Variants in SNTG1 observed in about 807,000 individuals in gnomAD.
SNTG1 encodes syntrophin gamma 1, also known as gamma-1-syntrophin.
SNTG1 carries 39 observed loss-of-function variants against 74.7 expected under a neutral mutation model. The observed-to-expected ratio is 0.52, with a 90% CI of 0.40 to 0.68. The LOEUF is 0.68. Among genes scored for constraint, SNTG1 ranks in the 30% least tolerant of loss-of-function variants. The probability of loss-of-function intolerance (pLI) is 0.00; values close to 1 mark genes in which losing one functional copy is unlikely to be tolerated. For synonymous variants in SNTG1, 254 were observed against 217.1 expected (o/e 1.17, Z -1.49); for missense variants, 685 against 609.5 (o/e 1.12, Z -1.30).
intron 15 of SNTG1, among the ~76,000 whole-genome samples, chr8:50,704,335 G>A (rs180795938): frequency 1.7e-3 from 263 of 152,254 alleles, no homozygotes; most frequent in Non-Finnish European, 3.2e-3. Flanking sequence ...TATGTTAAAT[G>A]CTTTGGTGGT....
Position 50,108,767 on chromosome 8 carries a change from T to C in SNTG1, c.-102-63794T>C, listed in dbSNP as rs759088853. 7.2e-5 allele frequency among the ~76,000 whole-genome samples: 11 copies of C among 152,170 alleles called. 1 individual carries two copies. Among genetic ancestry groups the C allele is most frequent in the Admixed American group, 2.6e-4 (4 of 15,268 alleles). ...TTGTGGGGGGATTTTAGTCATACAG[T>C]GGCCTGAACAAATTTGCTTGATTTT... On this transcript the variant is annotated intron_variant, in intron 1 of 18. Transcript: ENST00000642720.
At chr8:50,778,903 G>C (rs1014881774) in intron 18 of SNTG1, among the ~76,000 whole-genome samples, 4 of 152,106 alleles carry the variant, frequency 2.6e-5, no homozygotes, top group South Asian at 2.1e-4. Context: ...AAGGGATCCA[G>C]TTTCAGCTTT....
rs1448882950 is a variant in SNTG1 at position 50,553,152 on chromosome 8, T to A, written c.783T>A (p.Thr261=). The A allele has an allele frequency of 1.2e-6, 2 of 1,613,900 alleles. No individual in the cohort carries two copies. The highest frequency in any genetic ancestry group is 3.3e-5 in the Admixed American group (2 of 59,962). Residue 261 remains threonine, a synonymous_variant, in exon 12 of 19, where the codon ACT becomes ACA. Transcript: ENST00000642720. ...DCVDWLQAIA[T]NISNLTKHNI... The stretch of plus-strand genomic sequence containing the variant: ...TTGACTGGCTACAAGCAATAGCAAC[T>A]AACATTTCAAATCTCACAAAGCACA...
intron 9 of SNTG1, among the ~76,000 whole-genome samples, chr8:50,512,827 T>C (rs1346949213): frequency 6.6e-6 from 1 of 152,210 alleles, no homozygotes; most frequent in South Asian, 2.1e-4. Context: ...CTAATTTTTT[T>C]TCAAGGTTTT....
intron 13 of SNTG1, among the ~76,000 whole-genome samples, chr8:50,625,553 A>G (rs978885259): frequency 2.0e-5 from 3 of 152,124 alleles, no homozygotes; most frequent in Admixed American, 6.5e-5. Flanking sequence ...AGAACAAATC[A>G]TTTGCTTGTT....
chr8:49,999,184 A>T (rs1814518834), intron 1 of SNTG1, among the ~76,000 whole-genome samples: 1 of 152,180 alleles, frequency 6.6e-6, no homozygotes, highest in Non-Finnish European at 1.5e-5. Context: ...AAGTTAAGAT[A>T]TCCAAACCTA....
intron 1 of SNTG1, among the ~76,000 whole-genome samples, chr8:49,968,309 T>G (rs1369839445): frequency 6.6e-6 from 1 of 152,162 alleles, no homozygotes. Context: ...TTCAGCACCT[T>G]CTCTTCCCCC....
intron 1 of SNTG1, among the ~76,000 whole-genome samples, chr8:49,978,329 G>T (rs926669716): frequency 6.6e-6 from 1 of 152,196 alleles, no homozygotes. Flanking sequence ...GGCTAGAATG[G>T]AATGAGTTAG....
intron 1 of SNTG1, among the ~76,000 whole-genome samples, chr8:50,122,199 T>A (rs546328757): frequency 7.0e-6 from 1 of 142,196 alleles, no homozygotes; most frequent in Admixed American, 7.3e-5. Context: ...CCACGCTGCC[T>A]TTGAATAAAT....
chr8:50,293,402 T>G (rs1240608608), intron 2 of SNTG1, among the ~76,000 whole-genome samples: 3 of 65,586 alleles, frequency 4.6e-5, no homozygotes, highest in African/African-American at 1.0e-4. Flanking sequence ...TTAGTAGGCT[T>G]CTTTTTTTTT....
intron 2 of SNTG1, among the ~76,000 whole-genome samples, chr8:50,262,516 T>C (rs1033899102): frequency 1.1e-4 from 16 of 152,140 alleles, no homozygotes; most frequent in African/African-American, 3.6e-4. Flanking sequence ...GTTCACGCCA[T>C]TCTCCTGCTC....
intron 9 of SNTG1, among the ~76,000 whole-genome samples, chr8:50,515,396 T>G (rs1390603911): frequency 8.9e-5 from 9 of 101,306 alleles, no homozygotes; most frequent in Admixed American, 3.1e-4. Context: ...AGTTTTTTTT[T>G]TTTTTTTTTT....
At chr8:50,395,543 G>A (rs1367752329) in intron 3 of SNTG1, among the ~76,000 whole-genome samples, 2 of 126,932 alleles carry the variant, frequency 1.6e-5, no homozygotes, top group Non-Finnish European at 3.2e-5. Context: ...TCACTCTGTC[G>A]CCCAGGCTGG....
chr8:50,783,729 T>A (rs2095666880), intron 18 of SNTG1, among the ~76,000 whole-genome samples: 2 of 152,174 alleles, frequency 1.3e-5, no homozygotes, highest in Non-Finnish European at 2.9e-5. Flanking sequence ...TGTCTGGCAC[T>A]CCCTAGTGAG....
At chr8:50,333,662 G>A (rs771934370) in intron 2 of SNTG1, among the ~76,000 whole-genome samples, 26 of 152,140 alleles carry the variant, frequency 1.7e-4, no homozygotes, top group South Asian at 6.2e-4. Context: ...AACTTCTCTC[G>A]CTTGAGTTCC....
chr8:50,777,192 T>A (rs7819614), intron 18 of SNTG1, among the ~76,000 whole-genome samples: 14,038 of 148,134 alleles, frequency 0.095, 1,946 homozygotes, highest in African/African-American at 0.3. Context: ...TTGTCCTCAT[T>A]TTTTGGACTC....
At chr8:50,781,101 G>T (rs1218434856) in intron 18 of SNTG1, among the ~76,000 whole-genome samples, 12 of 152,136 alleles carry the variant, frequency 7.9e-5, no homozygotes, top group African/African-American at 2.4e-5. Context: ...TTTTACATTT[G>T]CTGAGGAGAG....
chr8:50,268,594 T>A (rs2087602488), intron 2 of SNTG1, among the ~76,000 whole-genome samples: 1 of 151,648 alleles, frequency 6.6e-6, no homozygotes, highest in Non-Finnish European at 1.5e-5. Context: ...GATACACAGA[T>A]CAATGGAACA....
In SNTG1 at chr8:50,620,500, G is replaced by A. The variant is rs1427815261; in HGVS notation, c.849+29583G>A. Reference sequence around the variant, plus strand: ...TTTGGGAGACAGGCATGTGTCAGGCGTACTATTCTATTGCTGTGATGTAGG... The same window carrying A: ...TTTGGGAGACAGGCATGTGTCAGGCATACTATTCTATTGCTGTGATGTAGG... On this transcript the variant is annotated intron_variant, in intron 13 of 18. Transcript: ENST00000642720. Among the ~76,000 whole-genome samples the A allele has an allele frequency of 4.6e-5, 7 of 152,280 alleles. No individual in the cohort carries two copies. The South Asian group carries it at 1.0e-3, about 23-fold the overall frequency.
Sources: allele counts gnomAD v4.1 joint callset (sites outside exome capture counted in the v4.1 genomes callset), GRCh38; gene constraint gnomAD v4.1.1; transcripts MANE v1.5; gene names NCBI Gene and HGNC (gene_info 2026-07-23, HGNC 2026-07-21).